Variants in ZNF490 observed in about 807,000 individuals in gnomAD.
ZNF490 encodes zinc finger protein 490.
In ZNF490, 11 loss-of-function variants were observed where a neutral mutation model predicts 17.7. The ratio of observed to expected loss-of-function variants is 0.62; its 90% CI spans 0.39 to 1.03. ZNF490 has a LOEUF of 1.03. Among genes scored for constraint, ZNF490 ranks in the 50% least tolerant of loss-of-function variants. ZNF490 has a pLI of 0.00. For synonymous variants in ZNF490, 222 were observed against 216.1 expected, an observed-to-expected ratio of 1.03 and a Z score of -0.24; for missense variants, 542 against 643.4, an observed-to-expected ratio of 0.84 and a Z score of 1.71.
chr19:12,608,783 T>A (rs1316158707), intron 2 of ZNF490, among the ~76,000 whole-genome samples: 3 of 152,046 alleles, frequency 2.0e-5, no homozygotes, highest in East Asian at 3.9e-4. Flanking sequence ...CCATTTTTTT[T>A]ATTTTTTGTA....
intron 2 of ZNF490, among the ~76,000 whole-genome samples, chr19:12,594,401 G>A (rs2022908429): frequency 1.3e-5 from 2 of 151,886 alleles, no homozygotes; most frequent in Admixed American, 6.6e-5. Context: ...GGGAGGCAGA[G>A]GTTGCAGTGA....
intron 2 of ZNF490, among the ~76,000 whole-genome samples, chr19:12,604,834 AT>A (rs201970120): frequency 1.0e-3 from 153 of 147,920 alleles, no homozygotes; most frequent in Middle Eastern, 3.4e-3. Flanking sequence ...CAAAAAAAAA[AT>A]AATAATAATA....
intron 2 of ZNF490, chr19:12,597,297 C>T: frequency 4.7e-6 from 2 of 421,916 alleles, no homozygotes; most frequent in Non-Finnish European, 4.9e-6. Context: ...GATGTTCACA[C>T]GCGCATTCAG....
chr19:12,603,660 C>T (rs1026718832), intron 2 of ZNF490, among the ~76,000 whole-genome samples: 12 of 151,764 alleles, frequency 7.9e-5, no homozygotes, highest in African/African-American at 2.2e-4. Context: ...GATGTGGTGG[C>T]GTGCACCTGT....
chr19:12,581,325 A>C lies in ZNF490; in HGVS notation c.750T>G (p.Tyr250Ter). ...ATGCCTTCCCACATTCCTTACATTCATAGGGTGTCTCTCCAGTATGAATTC... is the reference window on the plus strand; with the variant it reads ...ATGCCTTCCCACATTCCTTACATTCCTAGGGTGTCTCTCCAGTATGAATTC... ...HIRIHTGETP[Y>*]ECKECGKAFR... is the part of the protein sequence containing the mutation. Residue 250 changes from tyrosine (Y) to a stop codon, truncating the protein, a stop_gained, in exon 5 of 5, where the codon TAT (tyrosine) becomes TAG (stop). Coordinates refer to ENST00000311437, the MANE Select transcript of ZNF490 (RefSeq NM_020714.3). LOFTEE classifies it low-confidence loss of function (END_TRUNC). 1 of 1,614,152 alleles carries C rather than the reference A, an allele frequency of 6.2e-7. No individual in the cohort carries two copies. Among genetic ancestry groups the C allele is most frequent in the Non-Finnish European group, 8.5e-7 (1 of 1,180,022 alleles).
chr19:12,590,738 C>T (rs993870522), intron 2 of ZNF490, among the ~76,000 whole-genome samples: 5 of 152,060 alleles, frequency 3.3e-5, no homozygotes, highest in Non-Finnish European at 5.9e-5. Context: ...AAGGCCAACT[C>T]CTTTCCTACA....
chr19:12,609,833 G>A, intron 1 of ZNF490: 1 of 421,780 alleles, frequency 2.4e-6, no homozygotes. Flanking sequence ...ATGCCAATAG[G>A]TTGGACAGAG....
In ZNF490 at chr19:12,580,292, C is replaced by A. The variant is rs113875190; in HGVS notation, c.*193G>T. The A allele has an allele frequency of 7.2e-6, 10 of 1,382,474 alleles. No homozygotes were observed. Among genetic ancestry groups the A allele is most frequent in the African/African-American group, 5.8e-5 (4 of 69,310 alleles). 85.6% of individuals were successfully genotyped at this position (1,382,474 alleles called of 1,614,324 possible). A position where few individuals can be genotyped will look rare whatever the true frequency, so the allele number is the denominator to read the frequency against. ...GAGTCCATTCACATATCTGCAATCC[C>A]GCAGGAGAGTGCAAGTTCCTCCCCC... On this transcript the variant is annotated 3_prime_UTR_variant, in exon 5 of 5. Coordinates refer to ENST00000311437, the MANE Select transcript of ZNF490 (RefSeq NM_020714.3).
At chr19:12,582,705 T>C in intron 4 of ZNF490, 145 bp downstream of exon 4, 3 of 776,716 alleles carry the variant, frequency 3.9e-6, no homozygotes, top group South Asian at 1.5e-5. Context: ...CCCATGACAG[T>C]TTCAATGAAA....
At chr19:12,600,856 C>A (rs895892196) in intron 2 of ZNF490, among the ~76,000 whole-genome samples, 16 of 152,058 alleles carry the variant, frequency 1.1e-4, no homozygotes, top group African/African-American at 3.6e-4. Context: ...TTTGGGAAGC[C>A]AAGGTGGGTG....
At chr19:12,582,947 T>G in intron 3 of ZNF490, 37 bp from the exon 4 acceptor site, 1 of 1,509,868 alleles carries the variant, frequency 6.6e-7, no homozygotes, top group Non-Finnish European at 9.1e-7. Flanking sequence ...AATAAATTAT[T>G]AGAAATTATA....
rs1381298151 is a variant in ZNF490 at position 12,584,136 on chromosome 19, ACTTG to A, written c.163-584_163-581del. 8.6e-5 allele frequency among the ~76,000 whole-genome samples: 5 copies of A among 58,338 alleles called. 1 individual carries two copies. Among genetic ancestry groups the A allele is most frequent in the Non-Finnish European group, 1.5e-4 (3 of 20,324 alleles). The allele number at this position is 58,338 out of a possible 152,430, so 38.3% of individuals were successfully genotyped here. ...TTATTTCTATATTTTAACTGTGATC[ACTTG>A]AAGCCTTATTGTTCTTTTTCTTTTT... On this transcript the variant is annotated intron_variant, in intron 2 of 4. Transcript: ENST00000311437.
intron 2 of ZNF490, among the ~76,000 whole-genome samples, chr19:12,603,634 T>G (rs1194213362): frequency 1.3e-5 from 2 of 151,752 alleles, no homozygotes; most frequent in African/African-American, 4.8e-5. Flanking sequence ...CTACTAAAAA[T>G]AGAAAAAAAT....
Position 12,578,669 on chromosome 19 carries a change from C to A in ZNF490, c.*1816G>T. On this transcript the variant is annotated 3_prime_UTR_variant, in exon 5 of 5. Coordinates refer to ENST00000311437, the MANE Select transcript of ZNF490 (RefSeq NM_020714.3). ...CTTTGTCTTAGAAGTACAGCATTCC[C>A]ACAGTCTGACCCGAGGACACTGATG... 1 of 985,436 alleles carries A rather than the reference C, an allele frequency of 1.0e-6. No homozygotes were observed. Among genetic ancestry groups the A allele is most frequent in the Non-Finnish European group, 1.2e-6 (1 of 829,956 alleles). The allele number at this position is 985,436 out of a possible 1,614,324, so 61.0% of individuals were successfully genotyped here.
chr19:12,583,754 G>GCTCT (rs772203523), intron 2 of ZNF490, among the ~76,000 whole-genome samples, 198 bp from the exon 3 acceptor site: 24 of 70,552 alleles, frequency 3.4e-4, no homozygotes, highest in African/African-American at 1.1e-3. Flanking sequence ...AAAAATTATT[G>GCTCT]CGCTCTCTCT....
chr19:12,583,588 GGAGA>G lies in ZNF490; in HGVS notation c.163-36_163-33del, dbSNP rs559720353. On this transcript the variant is annotated intron_variant, in intron 2 of 4. Coordinates refer to ENST00000311437, the MANE Select transcript of ZNF490 (RefSeq NM_020714.3). ...CATCCCCCATGTGTGTTTAGGAGGA[GGAGA>G]GAGATTCGCAGTAGTGAGGATCCAT... 47 of 1,539,358 alleles carry G rather than the reference GGAGA, an allele frequency of 3.1e-5. No homozygotes were observed. The East Asian group carries it at 1.1e-3, about 35-fold the overall frequency.
chr19:12,588,797 A>C (rs1326764978), intron 2 of ZNF490, among the ~76,000 whole-genome samples: 1 of 152,240 alleles, frequency 6.6e-6, no homozygotes, highest in Non-Finnish European at 1.5e-5. Context: ...TGATAACAGA[A>C]AGATAGCTTG....
At chr19:12,608,630 G>A (rs1757162313) in intron 2 of ZNF490, among the ~76,000 whole-genome samples, 1 of 151,890 alleles carries the variant, frequency 6.6e-6, no homozygotes, top group Non-Finnish European at 1.5e-5. Flanking sequence ...CTCCCACCAT[G>A]CCCAGCTAAC....
chr19:12,594,384 T>G (rs1390987540), intron 2 of ZNF490, among the ~76,000 whole-genome samples: 3 of 151,244 alleles, frequency 2.0e-5, no homozygotes, highest in Non-Finnish European at 4.4e-5. Context: ...GAGAATTGCT[T>G]GAACCAGGGA....
Sources: allele counts gnomAD v4.1 joint callset (sites outside exome capture counted in the v4.1 genomes callset), GRCh38; gene constraint gnomAD v4.1.1; transcripts MANE v1.5; gene names NCBI Gene and HGNC (gene_info 2026-07-23, HGNC 2026-07-21).